Variants in NRXN3 observed in about 807,000 individuals in gnomAD.
NRXN3 encodes the protein neurexin 3, also known as neurexin III.
A neutral mutation model predicts 137.6 loss-of-function variants in NRXN3; 32 were observed. The ratio of observed to expected loss-of-function variants is 0.23; its 90% CI spans 0.18 to 0.31. NRXN3 has a LOEUF of 0.31. Among genes scored for constraint, NRXN3 ranks in the 10% least tolerant of loss-of-function variants. NRXN3 has a pLI of 1.00. For synonymous variants in NRXN3, 798 were observed against 784.5 expected, an observed-to-expected ratio of 1.02 and a Z score of -0.29; for missense variants, 1,574 against 2,062.5, an observed-to-expected ratio of 0.76 and a Z score of 4.59.
At chr14:78,990,514 G>A (rs2099516687) in intron 15 of NRXN3, among the ~76,000 whole-genome samples, 1 of 151,958 alleles carries the variant, frequency 6.6e-6, no homozygotes, top group Non-Finnish European at 1.5e-5. Flanking sequence ...TGGGATTACA[G>A]GTGCCTGCCA....
At chr14:79,408,265 C>A (rs1298009909) in intron 15 of NRXN3, among the ~76,000 whole-genome samples, 1 of 152,052 alleles carries the variant, frequency 6.6e-6, no homozygotes, top group Non-Finnish European at 1.5e-5. Context: ...CCCTTTGCTC[C>A]TCAAAACCAA....
Position 78,597,642 on chromosome 14 carries a change from G to A in NRXN3, c.758-47478G>A, listed in dbSNP as rs558511630. Among the ~76,000 whole-genome samples the A allele has an allele frequency of 7.2e-5, 11 of 152,280 alleles. No homozygotes were observed. In the South Asian group the frequency reaches 1.5e-3, roughly 20 times the overall value. Reference sequence around the variant, plus strand: ...CCTCTGCCCGTGAAGCTGAGGTATTGGACTGGATATCTCCAAGGGCCCTAC... The same window carrying A: ...CCTCTGCCCGTGAAGCTGAGGTATTAGACTGGATATCTCCAAGGGCCCTAC... On this transcript the variant is annotated intron_variant, in intron 4 of 20. Transcript: ENST00000335750.
intron 15 of NRXN3, among the ~76,000 whole-genome samples, chr14:79,173,032 A>C (rs973289579): frequency 6.6e-6 from 1 of 152,168 alleles, no homozygotes; most frequent in African/African-American, 2.4e-5. Context: ...ATAGAAGAAA[A>C]TAATGTTGGT....
At chr14:78,865,556 G>A (rs532472031) in intron 10 of NRXN3, among the ~76,000 whole-genome samples, 1 of 152,190 alleles carries the variant, frequency 6.6e-6, no homozygotes, top group African/African-American at 2.4e-5. Flanking sequence ...GGCTAATACA[G>A]GTAACTTTCT....
At chr14:79,730,505 C>T (rs1426452446) in intron 19 of NRXN3, among the ~76,000 whole-genome samples, 1 of 152,144 alleles carries the variant, frequency 6.6e-6, no homozygotes, top group African/African-American at 2.4e-5. Context: ...TTGTGTTATC[C>T]AGACACATTA....
intron 14 of NRXN3, among the ~76,000 whole-genome samples, chr14:78,980,914 T>C (rs1460714357): frequency 1.1e-4 from 17 of 152,220 alleles, no homozygotes. Flanking sequence ...GTTATTCACA[T>C]ATCAAGAGCA....
intron 4 of NRXN3, among the ~76,000 whole-genome samples, chr14:78,578,464 G>A (rs576692675): frequency 6.6e-6 from 1 of 152,328 alleles, no homozygotes; most frequent in South Asian, 2.1e-4. Flanking sequence ...TCTATAGGAA[G>A]TATGGATTCA....
At chr14:79,538,642 C>G (rs1233957494) in intron 16 of NRXN3, among the ~76,000 whole-genome samples, 2 of 152,054 alleles carry the variant, frequency 1.3e-5, no homozygotes, top group South Asian at 2.1e-4. Flanking sequence ...GATATTAGAC[C>G]TCTGTCAGAT....
At chr14:79,715,181 C>A (rs2154056088) in intron 19 of NRXN3, among the ~76,000 whole-genome samples, 1 of 152,260 alleles carries the variant, frequency 6.6e-6, no homozygotes, top group African/African-American at 2.4e-5. Context: ...TCTCGATCTC[C>A]TGACCTCGTG....
rs545177094 is a variant in NRXN3, at chr14:79,338,954, G to A, written c.3263-128267G>A. Among the ~76,000 whole-genome samples the A allele has an allele frequency of 1.2e-4, 18 of 152,268 alleles. No individual in the cohort carries two copies. In the South Asian group the frequency reaches 1.2e-3, roughly 11 times the overall value. ...AGACTAAGTATTTGTTTTGCAAAGC[G>A]CAACAGAATAGAGAAGAAAAGTTGG... On this transcript the variant is annotated intron_variant, in intron 15 of 20. Coordinates refer to ENST00000335750, the MANE Select transcript of NRXN3 (RefSeq NM_001330195.2).
chr14:79,435,494 T>G (rs2095831179), intron 15 of NRXN3, among the ~76,000 whole-genome samples: 1 of 151,882 alleles, frequency 6.6e-6, no homozygotes, highest in South Asian at 2.1e-4. Context: ...TCAAAAAAAC[T>G]CAACCTTCAA....
chr14:79,279,432 G>A, intron 15 of NRXN3: 3 of 986,050 alleles, frequency 3.0e-6, no homozygotes, highest in Non-Finnish European at 3.6e-6. Flanking sequence ...GCGCCCGCCC[G>A]CCTCTCGGCC....
chr14:78,825,281 A>G (rs1295593060), intron 10 of NRXN3, among the ~76,000 whole-genome samples: 1 of 152,090 alleles, frequency 6.6e-6, no homozygotes, highest in Non-Finnish European at 1.5e-5. Flanking sequence ...TGTAAGCTTC[A>G]AAAATGATCC....
At chr14:79,496,257 A>G (rs1428551988) in intron 16 of NRXN3, among the ~76,000 whole-genome samples, 1 of 105,802 alleles carries the variant, frequency 9.5e-6, no homozygotes, top group Admixed American at 8.5e-5. Context: ...ACACACACAG[A>G]CACACACACA....
At chr14:79,773,830 C>CAAAAAAAA (rs548801820) in intron 19 of NRXN3, among the ~76,000 whole-genome samples, 1 of 126,768 alleles carries the variant, frequency 7.9e-6, no homozygotes, top group African/African-American at 2.9e-5. Flanking sequence ...AATAAAAATA[C>CAAAAAAAA]AAAAAAAAAA....
At chr14:78,707,335 C>T (rs1382078417) in intron 6 of NRXN3, among the ~76,000 whole-genome samples, 2 of 152,082 alleles carry the variant, frequency 1.3e-5, no homozygotes, top group African/African-American at 2.4e-5. Context: ...ATAGTTGGGA[C>T]GCTCAATACT....
At chr14:78,194,018 T>C (rs1196994434) in intron 1 of NRXN3, among the ~76,000 whole-genome samples, 1 of 152,160 alleles carries the variant, frequency 6.6e-6, no homozygotes, top group Non-Finnish European at 1.5e-5. Context: ...CTCTGGCCCA[T>C]AGGCATAGAA....
At chr14:79,380,351 C>T (rs1389672392) in intron 15 of NRXN3, among the ~76,000 whole-genome samples, 3 of 151,310 alleles carry the variant, frequency 2.0e-5, no homozygotes, top group Non-Finnish European at 4.4e-5. Flanking sequence ...TCCCCCTTCC[C>T]CCCACCCCAC....
At chr14:78,618,706 A>G (rs1213896306) in intron 4 of NRXN3, among the ~76,000 whole-genome samples, 6 of 152,174 alleles carry the variant, frequency 3.9e-5, no homozygotes, top group Admixed American at 2.0e-4. Context: ...CAAACAATCC[A>G]TGAAGTAATG....
Sources: gnomAD v4.1 joint callset for allele counts (sites outside exome capture counted in the v4.1 genomes callset) on GRCh38, gnomAD v4.1.1 for gene constraint, MANE v1.5 for transcripts, NCBI Gene and HGNC (gene_info 2026-07-23, HGNC 2026-07-21) for gene names.